ROBO2: variants seen among roughly 807,000 people sequenced by gnomAD.
The protein encoded by ROBO2 is roundabout guidance receptor 2, also known as roundabout homolog 2.
A neutral mutation model predicts 160.8 loss-of-function variants in ROBO2; 53 were observed. The ratio of observed to expected loss-of-function variants is 0.33; its 90% CI spans 0.26 to 0.41. ROBO2 has a LOEUF of 0.41. ROBO2 is among the 10% of genes least tolerant of loss of function. The pLI is 1.00. For missense variants in ROBO2, 1,577 were observed against 1,722.4 expected (o/e 0.92, Z 1.49); for synonymous variants, 664 against 611.7 (o/e 1.09, Z -1.26).
At chr3:76,370,033 G>C (rs2076026649) in intron 2 of ROBO2, among the ~76,000 whole-genome samples, 1 of 151,972 alleles carries the variant, frequency 6.6e-6, no homozygotes, top group African/African-American at 2.4e-5. Context: ...TAGTTTAGTA[G>C]ATCTCGATGA....
chr3:76,771,895 G>A (rs2061928798), intron 2 of ROBO2, among the ~76,000 whole-genome samples: 1 of 151,116 alleles, frequency 6.6e-6, no homozygotes, highest in African/African-American at 2.4e-5. Flanking sequence ...ATAAACTACT[G>A]AGTACCAATT....
At chr3:76,199,213 A>C (rs373978856) in intron 2 of ROBO2, among the ~76,000 whole-genome samples, 21 of 152,150 alleles carry the variant, frequency 1.4e-4, no homozygotes, top group East Asian at 5.8e-4. Context: ...TGAGATTCCT[A>C]TTTGTACCAT....
intron 1 of ROBO2, among the ~76,000 whole-genome samples, chr3:75,924,681 CTTTTTTT>C (rs60599175): frequency 1.5e-5 from 1 of 66,014 alleles, no homozygotes; most frequent in Non-Finnish European, 2.5e-5. Flanking sequence ...ATTTTCTTTT[CTTTTTTT>C]TTTTTTTTTT....
At chr3:77,174,681 C>T (rs182585066) in intron 2 of ROBO2, among the ~76,000 whole-genome samples, 4 of 152,146 alleles carry the variant, frequency 2.6e-5, no homozygotes, top group Admixed American at 2.6e-4. Context: ...ACAAACCTAT[C>T]TGCTTATGTT....
intron 2 of ROBO2, among the ~76,000 whole-genome samples, chr3:77,233,769 A>G (rs536578342): frequency 1.0e-3 from 159 of 152,284 alleles, no homozygotes; most frequent in African/African-American, 3.6e-3. Context: ...TGAGCAATTA[A>G]TTCTTATTAA....
chr3:77,568,352 T>C, exon 13 of ROBO2: 1 of 1,613,054 alleles, frequency 6.2e-7, no homozygotes, highest in African/African-American at 1.3e-5. Context: ...CACAGGCAAG[T>C]GCAGAAAGAG....
intron 2 of ROBO2, among the ~76,000 whole-genome samples, chr3:76,374,372 A>C (rs1324307677): frequency 6.6e-6 from 1 of 152,054 alleles, no homozygotes; most frequent in Non-Finnish European, 1.5e-5. Flanking sequence ...ATTTAGGTCA[A>C]ATAATTAAAA....
At chr3:76,700,143 A>G (rs941429532) in intron 2 of ROBO2, among the ~76,000 whole-genome samples, 1 of 152,054 alleles carries the variant, frequency 6.6e-6, no homozygotes, top group African/African-American at 2.4e-5. Flanking sequence ...CAACATCACT[A>G]TTCTTTTCCC....
intron 2 of ROBO2, among the ~76,000 whole-genome samples, chr3:76,399,382 A>G (rs1321043975): frequency 6.6e-6 from 1 of 151,658 alleles, no homozygotes; most frequent in Non-Finnish European, 1.5e-5. Flanking sequence ...TATTGTACAC[A>G]TAGGACTGCA....
At chr3:76,273,939 C>A (rs978004840) in intron 2 of ROBO2, among the ~76,000 whole-genome samples, 1 of 152,102 alleles carries the variant, frequency 6.6e-6, no homozygotes, top group Non-Finnish European at 1.5e-5. Context: ...CAAGGGTCTT[C>A]TTGCTAAGTT....
chr3:76,938,558 T>C (rs1223467808), intron 2 of ROBO2, among the ~76,000 whole-genome samples: 3 of 152,100 alleles, frequency 2.0e-5, no homozygotes, highest in East Asian at 1.9e-4. Context: ...TAGAAATTGA[T>C]AGAAGGCCAG....
intron 2 of ROBO2, among the ~76,000 whole-genome samples, chr3:76,478,019 T>A (rs989408822): frequency 1.3e-5 from 2 of 148,982 alleles, no homozygotes; most frequent in East Asian, 3.9e-4. Flanking sequence ...CCGCTACTTC[T>A]TTATTATTAT....
At chr3:77,517,616 T>A (rs568253623) in intron 5 of ROBO2, among the ~76,000 whole-genome samples, 46 of 151,662 alleles carry the variant, frequency 3.0e-4, no homozygotes, top group African/African-American at 1.0e-3. Flanking sequence ...TCGTCCCTTC[T>A]GATTTGCAGT....
At chr3:77,516,852 A>AT (rs2090073074) in intron 5 of ROBO2, among the ~76,000 whole-genome samples, 1 of 151,688 alleles carries the variant, frequency 6.6e-6, no homozygotes, top group African/African-American at 2.4e-5. Flanking sequence ...AGTACTGCAT[A>AT]TAATTGTTGC....
intron 2 of ROBO2, among the ~76,000 whole-genome samples, chr3:76,884,011 TATCA>T (rs1445457084): frequency 6.6e-6 from 1 of 152,208 alleles, no homozygotes; most frequent in East Asian, 1.9e-4. Context: ...AATAAACATT[TATCA>T]ATCCTCTGTA....
intron 2 of ROBO2, among the ~76,000 whole-genome samples, chr3:76,444,996 T>C (rs548122942): frequency 2.6e-5 from 4 of 152,146 alleles, no homozygotes; most frequent in Non-Finnish European, 1.5e-5. Flanking sequence ...TTTGGAAATA[T>C]GAAACATGCA....
At chr3:76,678,045 A>T (rs1445490152) in intron 2 of ROBO2, among the ~76,000 whole-genome samples, 1 of 126,410 alleles carries the variant, frequency 7.9e-6, no homozygotes, top group Non-Finnish European at 1.5e-5. Context: ...ATCTCAGCCT[A>T]CTGCAAACTC....
At chr3:76,948,890 ATATATATATATATATATATTTTT>A (rs1311756718) in intron 2 of ROBO2, among the ~76,000 whole-genome samples, 5 of 26,404 alleles carry the variant, frequency 1.9e-4, no homozygotes, top group African/African-American at 2.4e-4. Context: ...ATATATATAT[ATATATATATATATATATATTTTT>A]TTTTTTTTTT....
chr3:77,588,944 A>C lies in ROBO2; in HGVS notation c.2683+11A>C, dbSNP rs1259118568. The stretch of plus-strand genomic sequence containing the variant: ...TCAGTAATTATGCTGGTAAGTGACT[A>C]TTTCCAGCTAAGAAAATCTCTTGTC... On this transcript the variant is annotated intron_variant, in intron 17 of 25. Coordinates refer to ENST00000461745, the Ensembl canonical transcript of ROBO2. The C allele has an allele frequency of 1.9e-6, 3 of 1,612,186 alleles. No individual in the cohort carries two copies. The Admixed American group carries it at 5.0e-5, about 27-fold the overall frequency.
Sources: gnomAD v4.1 joint callset for allele counts (sites outside exome capture counted in the v4.1 genomes callset) on GRCh38, gnomAD v4.1.1 for gene constraint, MANE v1.5 for transcripts, NCBI Gene and HGNC (gene_info 2026-07-23, HGNC 2026-07-21) for gene names.